The following NR3C2 variants were observed in gnomAD, a reference collection of about 807,000 sequenced individuals.
The protein encoded by NR3C2 is mineralocorticoid receptor.
Under a neutral mutation model 86.4 loss-of-function variants are expected in NR3C2, and 15 were observed. That is an observed-to-expected ratio of 0.17 (90% CI 0.12 to 0.27). The LOEUF is 0.27. Among genes scored for constraint, NR3C2 ranks in the 10% least tolerant of loss-of-function variants. The pLI is 1.00. For missense variants in NR3C2, 960 were observed against 1,195.6 expected, an observed-to-expected ratio of 0.80 and a Z score of 2.91; for synonymous variants, 458 against 450.5, an observed-to-expected ratio of 1.02 and a Z score of -0.21.
chr4:148,261,852 C>G (rs1363518717), intron 2 of NR3C2, among the ~76,000 whole-genome samples: 1 of 152,222 alleles, frequency 6.6e-6, no homozygotes, highest in East Asian at 1.9e-4. Context: ...TTGAACTATA[C>G]TCTCACGAAA....
chr4:148,120,234 G>T lies in NR3C2; in HGVS notation c.2565C>A (p.Ile855=). Residue 855 remains isoleucine, a synonymous_variant, in exon 7 of 9, where the codon ATC becomes ATA. Transcript: ENST00000358102. Reference sequence around the variant, plus strand: ...GCTGCAGTCGAACGAACTGAAGGCTGATTTGGTGCATCCCCTGGCATAGTT... The same window carrying T: ...GCTGCAGTCGAACGAACTGAAGGCTTATTTGGTGCATCCCCTGGCATAGTT... The part of the protein sequence containing the change: ...MYELCQGMHQ[I]SLQFVRLQLT... 1 of 1,614,172 alleles carries T rather than the reference G, an allele frequency of 6.2e-7. No individual in the cohort carries two copies. The highest frequency in any genetic ancestry group is 8.5e-7 in the Non-Finnish European group (1 of 1,180,016).
chr4:148,345,401 AT>A (rs1423674971), intron 2 of NR3C2, among the ~76,000 whole-genome samples: 2 of 152,078 alleles, frequency 1.3e-5, no homozygotes, highest in African/African-American at 4.8e-5. Flanking sequence ...AGTAAAAAAA[AT>A]ACATCGTTTT....
chr4:148,126,537 C>A (rs1732755006), intron 6 of NR3C2, among the ~76,000 whole-genome samples: 1 of 152,166 alleles, frequency 6.6e-6, no homozygotes, highest in African/African-American at 2.4e-5. Flanking sequence ...TAGAGTAGAA[C>A]ATGAGAACGG....
chr4:148,303,335 G>A (rs892274081), intron 2 of NR3C2, among the ~76,000 whole-genome samples: 11 of 152,096 alleles, frequency 7.2e-5, no homozygotes, highest in African/African-American at 2.7e-4. Flanking sequence ...TATATATCTG[G>A]ATCAACATTC....
At chr4:148,141,446 T>TCTCA (rs1553989351) in intron 6 of NR3C2, among the ~76,000 whole-genome samples, 19,051 of 149,274 alleles carry the variant, frequency 0.13, 1,940 homozygotes, top group East Asian at 0.55. Flanking sequence ...TCCCTCTCTC[T>TCTCA]CACACACACA....
intron 2 of NR3C2, among the ~76,000 whole-genome samples, chr4:148,414,095 T>C (rs1560719742): frequency 6.6e-6 from 1 of 152,156 alleles, no homozygotes; most frequent in East Asian, 1.9e-4. Context: ...TAGAATACTA[T>C]CAGGCAATTA....
At chr4:148,256,413 A>G (rs1739835058) in intron 3 of NR3C2, among the ~76,000 whole-genome samples, 2 of 152,216 alleles carry the variant, frequency 1.3e-5, no homozygotes, top group African/African-American at 2.4e-5. Flanking sequence ...ATTTGTTCAT[A>G]GAGGATAGTA....
In NR3C2 at chr4:148,260,117, G is replaced by T; in HGVS notation, c.1758C>A (p.Ser586Arg). 4 of 1,613,970 alleles carry T rather than the reference G, an allele frequency of 2.5e-6. No individual in the cohort carries two copies. The highest frequency in any genetic ancestry group is 3.4e-6 in the Non-Finnish European group (4 of 1,179,942). ...CAGTAGAAACACTTCGTAAAGTAGAGCTGGGGAAAGAAATTGAGATTTAAA... is the reference window on the plus strand; with the variant it reads ...CAGTAGAAACACTTCGTAAAGTAGATCTGGGGAAAGAAATTGAGATTTAAA... ...VLEYIPENVSSSTLRSVSTGS... is the reference protein window; with the variant it reads ...VLEYIPENVSRSTLRSVSTGS... Residue 586 changes from serine to arginine, a missense_variant and splice_region_variant, in exon 3 of 9, where the codon AGC becomes AGA. By Grantham distance (110) the Ser-to-Arg change is moderately radical. Transcript: ENST00000358102.
intron 3 of NR3C2, among the ~76,000 whole-genome samples, chr4:148,213,403 G>A (rs879770694): frequency 6.6e-6 from 1 of 152,158 alleles, no homozygotes; most frequent in Non-Finnish European, 1.5e-5. Flanking sequence ...CAAACAAAAG[G>A]TGAGAAACTG....
intron 3 of NR3C2, among the ~76,000 whole-genome samples, chr4:148,254,173 T>C (rs1325176274): frequency 6.6e-6 from 1 of 152,192 alleles, no homozygotes; most frequent in African/African-American, 2.4e-5. Context: ...TTTAAACAAG[T>C]ATACCTCACA....
intron 2 of NR3C2, among the ~76,000 whole-genome samples, chr4:148,353,293 A>G (rs1307485944): frequency 6.6e-6 from 1 of 152,090 alleles, no homozygotes; most frequent in African/African-American, 2.4e-5. Context: ...GCACCAATAT[A>G]TTTTCATTAT....
intron 8 of NR3C2, among the ~76,000 whole-genome samples, chr4:148,110,566 T>C (rs1471983453): frequency 6.6e-6 from 1 of 152,206 alleles, no homozygotes; most frequent in Non-Finnish European, 1.5e-5. Flanking sequence ...GTCTCAAGTC[T>C]GAGTAAGTGT....
intron 2 of NR3C2, among the ~76,000 whole-genome samples, chr4:148,409,937 C>T (rs1174056236): frequency 3.3e-5 from 5 of 152,154 alleles, no homozygotes; most frequent in African/African-American, 1.2e-4. Context: ...TCCCTAAAAT[C>T]ACAAGAGAAG....
intron 2 of NR3C2, among the ~76,000 whole-genome samples, chr4:148,381,635 C>T (rs61763848): frequency 6.6e-6 from 1 of 152,120 alleles, no homozygotes; most frequent in Non-Finnish European, 1.5e-5. Context: ...AAAATTCAAT[C>T]AAAATGTTTT....
At chr4:148,340,073 C>T (rs1341042610) in intron 2 of NR3C2, among the ~76,000 whole-genome samples, 1 of 152,008 alleles carries the variant, frequency 6.6e-6, no homozygotes, top group African/African-American at 2.4e-5. Context: ...GGAAGACAGC[C>T]CATGCTCGTG....
intron 2 of NR3C2, among the ~76,000 whole-genome samples, chr4:148,345,330 C>G (rs143906782): frequency 6.0e-5 from 9 of 151,172 alleles, no homozygotes; most frequent in Non-Finnish European, 1.0e-4. Flanking sequence ...GTAAATAAGA[C>G]AGAAAATGAA....
At chr4:148,099,860 G>A (rs1402017302) in intron 8 of NR3C2, among the ~76,000 whole-genome samples, 6 of 152,194 alleles carry the variant, frequency 3.9e-5, no homozygotes, top group Non-Finnish European at 8.8e-5. Flanking sequence ...AACATAGCCT[G>A]TAGGACCTTC....
At chr4:148,402,271 T>C (rs1748208858) in intron 2 of NR3C2, among the ~76,000 whole-genome samples, 2 of 152,154 alleles carry the variant, frequency 1.3e-5, no homozygotes, top group Admixed American at 1.3e-4. Context: ...TATTCTGAAC[T>C]AGGAAAAACT....
intron 2 of NR3C2, among the ~76,000 whole-genome samples, chr4:148,394,119 C>G (rs1208621318): frequency 2.6e-5 from 4 of 152,142 alleles, no homozygotes; most frequent in Admixed American, 1.3e-4. Flanking sequence ...TGCCTAGCAA[C>G]TGCCCAGCAC....
Sources: gnomAD v4.1 joint callset for allele counts (sites outside exome capture counted in the v4.1 genomes callset) on GRCh38, gnomAD v4.1.1 for gene constraint, MANE v1.5 for transcripts, NCBI Gene and HGNC (gene_info 2026-07-23, HGNC 2026-07-21) for gene names.